Variants in S100A8 observed in about 807,000 individuals in gnomAD.
The protein encoded by S100A8 is protein S100-A8.
A neutral mutation model predicts 4.2 loss-of-function variants in S100A8; 1 was observed. The ratio of observed to expected loss-of-function variants is 0.24; its 90% CI spans 0.08 to 1.12. The LOEUF is 1.12. S100A8 is among the 50% of genes most tolerant of loss of function. S100A8 has a pLI of 0.53. For missense variants in S100A8, 96 were observed against 111.8 expected, an observed-to-expected ratio of 0.86 and a Z score of 0.64; for synonymous variants, 41 against 44.7, an observed-to-expected ratio of 0.92 and a Z score of 0.33.
chr1:153,412,933 A>G, the S100A8 span, among the ~76,000 whole-genome samples: 1 of 152,204 alleles, frequency 6.6e-6, no homozygotes, highest in Non-Finnish European at 1.5e-5. Flanking sequence ...GAATTGAACA[A>G]TGAGAACACC....
At chr1:153,393,035 T>C (rs907985772), upstream of S100A8, among the ~76,000 whole-genome samples, 3 of 152,230 alleles carry the variant, frequency 2.0e-5, no homozygotes, top group African/African-American at 7.2e-5. Context: ...TGTACTATTA[T>C]AATGCCCATT....
the S100A8 span, among the ~76,000 whole-genome samples, chr1:153,404,805 G>A: frequency 6.6e-6 from 1 of 151,310 alleles, no homozygotes; most frequent in African/African-American, 2.4e-5. Context: ...TTTTTTAACA[G>A]GTGCAAGATT....
chr1:153,390,804 C>A (rs1237917543), intron 1 of S100A8: 2 of 542,104 alleles, frequency 3.7e-6, no homozygotes, highest in Non-Finnish European at 6.1e-6. Context: ...CTTTCCTTAC[C>A]ACCCCACCCT....
the S100A8 span, among the ~76,000 whole-genome samples, chr1:153,406,553 T>C: frequency 2.0e-3 from 299 of 151,944 alleles, 1 homozygote; most frequent in African/African-American, 7.0e-3. Flanking sequence ...CAGAACAGAG[T>C]CAGCACTCAC....
chr1:153,399,486 C>G, the S100A8 span, among the ~76,000 whole-genome samples: 1 of 152,152 alleles, frequency 6.6e-6, no homozygotes, highest in Admixed American at 6.6e-5. Flanking sequence ...CTACATCTCC[C>G]TGGGGTGTCC....
At chr1:153,408,579 C>T in the S100A8 span, among the ~76,000 whole-genome samples, 10 of 152,120 alleles carry the variant, frequency 6.6e-5, no homozygotes, top group Non-Finnish European at 1.5e-4. Flanking sequence ...GAGAACTTCC[C>T]CAATCTAGCA....
the S100A8 span, chr1:153,419,978 A>G: frequency 6.6e-6 from 1 of 152,654 alleles, no homozygotes; most frequent in South Asian, 2.1e-4. Flanking sequence ...AGTCACTGTG[A>G]TGCTTAGCTG....
the S100A8 span, chr1:153,421,993 C>A: frequency 6.6e-6 from 1 of 152,256 alleles, no homozygotes; most frequent in South Asian, 2.1e-4. Context: ...GGACTCATCA[C>A]ATCTATTCGG....
chr1:153,407,658 C>T, the S100A8 span, among the ~76,000 whole-genome samples: 2 of 152,308 alleles, frequency 1.3e-5, no homozygotes, highest in East Asian at 3.9e-4. Flanking sequence ...TGAGAACTGA[C>T]AGACTGCCTC....
chr1:153,403,778 T>TATATTTCA, the S100A8 span, among the ~76,000 whole-genome samples: 1 of 152,112 alleles, frequency 6.6e-6, no homozygotes, highest in Non-Finnish European at 1.5e-5. Context: ...GTGTGGGGGT[T>TATATTTCA]ATATTTCCTT....
chr1:153,390,228 C>T lies in S100A8; in HGVS notation c.157G>A (p.Val53Ile), dbSNP rs748236363. The stretch of plus-strand genomic sequence containing the variant: ...TTGATATCCAACTCTTTGAACCAGA[C>T]GTCTGCACCCTTTTTCTGTCAAGAT... ...PQYIRKKGAD[V>I]WFKELDINTD... The change falls in exon 3 of 3, where the codon GTC becomes ATC. Residue 53 changes from valine to isoleucine, a missense_variant. Physicochemically the swap from Val to Ile is conservative, Grantham distance 29 (BLOSUM62 3). Transcript: ENST00000368733. The T allele has an allele frequency of 1.3e-5, 21 of 1,611,624 alleles. 2 individuals are homozygous for T. Among genetic ancestry groups the T allele is most frequent in the South Asian group, 8.8e-5 (8 of 90,884 alleles).
the S100A8 span, among the ~76,000 whole-genome samples, chr1:153,403,326 A>T: frequency 7.2e-5 from 11 of 152,306 alleles, no homozygotes; most frequent in East Asian, 1.5e-3. Context: ...TCCCAGCATC[A>T]TGTGTTGGAA....
chr1:153,417,897 C>T, the S100A8 span: 1 of 828,682 alleles, frequency 1.2e-6, no homozygotes, highest in Non-Finnish European at 1.8e-6. Flanking sequence ...AGACTTGGTC[C>T]TACCCTCTCA....
At chr1:153,416,162 G>A in the S100A8 span, among the ~76,000 whole-genome samples, 1 of 152,180 alleles carries the variant, frequency 6.6e-6, no homozygotes, top group African/African-American at 2.4e-5. Context: ...GAAGTACTGG[G>A]GGAGGGAATA....
At chr1:153,419,396 T>G in the S100A8 span, 1 of 1,426,814 alleles carries the variant, frequency 7.0e-7, no homozygotes, top group Admixed American at 2.3e-5. Context: ...TTCTTCTCTT[T>G]GGTGACCTAC....
chr1:153,418,345 T>C, the S100A8 span: 5 of 1,225,310 alleles, frequency 4.1e-6, no homozygotes, highest in Middle Eastern at 1.1e-3. Context: ...CATTTGCAAA[T>C]AGGGCTTTAT....
chr1:153,401,812 T>A, the S100A8 span, among the ~76,000 whole-genome samples: 1 of 152,226 alleles, frequency 6.6e-6, no homozygotes, highest in African/African-American at 2.4e-5. Flanking sequence ...CCTTAAAAAT[T>A]AAAGAAATCT....
chr1:153,419,121 T>C, the S100A8 span: 3 of 1,609,270 alleles, frequency 1.9e-6, no homozygotes, highest in African/African-American at 4.0e-5. Flanking sequence ...AATTTTTCTA[T>C]TTTGTATGTT....
At chr1:153,401,153 C>T in the S100A8 span, among the ~76,000 whole-genome samples, 1 of 152,240 alleles carries the variant, frequency 6.6e-6, no homozygotes, top group Non-Finnish European at 1.5e-5. Flanking sequence ...TTAATCAATG[C>T]TAGCCTGATT....
Sources: gnomAD v4.1 joint callset for allele counts (sites outside exome capture counted in the v4.1 genomes callset) on GRCh38, gnomAD v4.1.1 for gene constraint, MANE v1.5 for transcripts, NCBI Gene and HGNC (gene_info 2026-07-23, HGNC 2026-07-21) for gene names.